RGS17: variants seen among roughly 807,000 people sequenced by gnomAD.
The protein encoded by RGS17 is regulator of G-protein signaling 17.
A neutral mutation model predicts 25.5 loss-of-function variants in RGS17; 12 were observed. The ratio of observed to expected loss-of-function variants is 0.47; its 90% CI spans 0.30 to 0.76. The LOEUF is 0.76. RGS17 is among the 30% of genes least tolerant of loss of function. RGS17 has a pLI of 0.07. For missense variants in RGS17, 196 were observed against 242.2 expected (o/e 0.81, Z 1.27); for synonymous variants, 71 against 76.9 (o/e 0.92, Z 0.40).
intron 1 of RGS17, among the ~76,000 whole-genome samples, chr6:153,116,013 GC>G (rs1308909727): frequency 6.6e-6 from 1 of 152,114 alleles, no homozygotes; most frequent in Non-Finnish European, 1.5e-5. Context: ...ATGGGCATGG[GC>G]AAAAACTTCA....
chr6:153,090,091 T>C (rs991172889), intron 1 of RGS17, among the ~76,000 whole-genome samples: 1 of 152,176 alleles, frequency 6.6e-6, no homozygotes, highest in Non-Finnish European at 1.5e-5. Flanking sequence ...TTTTCATAAC[T>C]GCTATCTGCT....
intron 1 of RGS17, among the ~76,000 whole-genome samples, chr6:153,103,651 C>A (rs1777338934): frequency 6.6e-6 from 1 of 152,182 alleles, no homozygotes; most frequent in Non-Finnish European, 1.5e-5. Flanking sequence ...CCAGCCTATT[C>A]TTGAGAAGAA....
chr6:153,110,831 G>A (rs1777458993), intron 1 of RGS17, among the ~76,000 whole-genome samples: 1 of 152,194 alleles, frequency 6.6e-6, no homozygotes, highest in Admixed American at 6.5e-5. Flanking sequence ...GGAAGCGCAA[G>A]CGGTTGGGGA....
At chr6:153,014,217 C>G (rs1172643371) in intron 4 of RGS17, among the ~76,000 whole-genome samples, 1 of 152,188 alleles carries the variant, frequency 6.6e-6, no homozygotes, top group Non-Finnish European at 1.5e-5. Flanking sequence ...TATGCTAAAT[C>G]TACTCTGCCT....
chr6:153,129,901 G>A (rs1309142925), intron 1 of RGS17, among the ~76,000 whole-genome samples: 2 of 152,158 alleles, frequency 1.3e-5, no homozygotes, highest in Admixed American at 6.5e-5. Context: ...CCGACGTCCC[G>A]GGCTCCGGGC....
At chr6:153,067,800 T>TGCTGG (rs1776731403) in intron 1 of RGS17, among the ~76,000 whole-genome samples, 1 of 152,108 alleles carries the variant, frequency 6.6e-6, no homozygotes. Context: ...AGAGAAATAG[T>TGCTGG]AAAAGCTATC....
In RGS17 at chr6:153,070,415, A is replaced by C. The variant is rs183823330; in HGVS notation, c.-25-26372T>G. ...AGGCACAACAAATATCTACTTTATA[A>C]ATTTCTAGGATGTTAAATAGTTATG... On this transcript the variant is annotated intron_variant, in intron 1 of 4. Transcript: ENST00000206262. Among the ~76,000 whole-genome samples, 1,155 of 152,196 alleles carry C rather than the reference A, an allele frequency of 7.6e-3. 11 individuals carry two copies. Among genetic ancestry groups the C allele is most frequent in the Admixed American group, 0.013 (206 of 15,276 alleles).
At chr6:153,031,543 C>G (rs1046881550) in intron 2 of RGS17, among the ~76,000 whole-genome samples, 2 of 152,152 alleles carry the variant, frequency 1.3e-5, no homozygotes, top group African/African-American at 4.8e-5. Flanking sequence ...TACAAGGAAA[C>G]AGTTATTGGG....
intron 2 of RGS17, among the ~76,000 whole-genome samples, chr6:153,043,593 T>C (rs1037389956): frequency 6.6e-6 from 1 of 152,088 alleles, no homozygotes; most frequent in African/African-American, 2.4e-5. Context: ...TAAATACAAA[T>C]GTAACTAAAA....
At chr6:153,039,352 T>C (rs1776292249) in intron 2 of RGS17, among the ~76,000 whole-genome samples, 1 of 152,184 alleles carries the variant, frequency 6.6e-6, no homozygotes, top group Admixed American at 6.5e-5. Flanking sequence ...CTAAGTCTAA[T>C]TTATAAAGTA....
At chr6:153,025,555 G>T (rs1050401102) in intron 3 of RGS17, among the ~76,000 whole-genome samples, 16 of 150,556 alleles carry the variant, frequency 1.1e-4, no homozygotes, top group African/African-American at 3.9e-4. Context: ...AAATGATTCT[G>T]ATCTTCCTTT....
chr6:153,130,678 G>A lies in RGS17; in HGVS notation c.-26+446C>T, dbSNP rs1777775757. Among the ~76,000 whole-genome samples the A allele has an allele frequency of 6.6e-6, 1 of 152,118 alleles. No individual in the cohort carries two copies. Among genetic ancestry groups the A allele is most frequent in the African/African-American group, 2.4e-5 (1 of 41,440 alleles). On this transcript the variant is annotated intron_variant, in intron 1 of 4. Coordinates refer to ENST00000206262, the MANE Select transcript of RGS17 (RefSeq NM_012419.5). The surrounding 1 kb of genome is among the most constrained non-coding windows in gnomAD (Gnocchi z 6.4). The stretch of plus-strand genomic sequence containing the variant: ...ACACTGTTGATGGCACATTCTCCTC[G>A]TTCCCAACCAACCGCACAAAACCCG...
rs1221125676 is a variant in RGS17 at position 153,130,412 on chromosome 6, C to T, written c.-26+712G>A. On this transcript the variant is annotated intron_variant, in intron 1 of 4. Transcript: ENST00000206262. This position sits in a 1 kb window ranked among gnomAD's most constrained non-coding sequence, Gnocchi z 6.4. ...CCACCCCGCGCCGCACACGCCAGGA[C>T]TCCCTTTCCTTTGACTAAGGGGAGG... is the stretch of plus-strand genomic sequence containing the variant. Among the ~76,000 whole-genome samples the T allele has an allele frequency of 6.6e-6, 1 of 151,896 alleles. No individual in the cohort carries two copies. Among genetic ancestry groups the T allele is most frequent in the Non-Finnish European group, 1.5e-5 (1 of 67,974 alleles).
intron 1 of RGS17, among the ~76,000 whole-genome samples, chr6:153,100,637 C>CT (rs572746130): frequency 4.4e-4 from 67 of 152,268 alleles, no homozygotes; most frequent in African/African-American, 1.5e-3. Context: ...ATCTAACTTA[C>CT]TTCTTATAGG....
intron 1 of RGS17, among the ~76,000 whole-genome samples, chr6:153,119,455 C>G (rs1254347768): frequency 2.0e-5 from 3 of 152,216 alleles, no homozygotes; most frequent in Admixed American, 6.5e-5. Context: ...CTTTGGGAGG[C>G]TGAGGCGGGT....
chr6:153,129,922 G>T (rs1777761173), intron 1 of RGS17, among the ~76,000 whole-genome samples: 1 of 152,188 alleles, frequency 6.6e-6, no homozygotes, highest in Non-Finnish European at 1.5e-5. Flanking sequence ...GAGGCGCAGG[G>T]CTCAGGGCGC....
At chr6:153,129,879 C>A (rs1467619535) in intron 1 of RGS17, among the ~76,000 whole-genome samples, 2 of 152,218 alleles carry the variant, frequency 1.3e-5, no homozygotes, top group East Asian at 3.9e-4. Context: ...GACAGGGGTT[C>A]TCCCACGTGA....
chr6:153,054,096 A>G (rs1562321678), intron 1 of RGS17, among the ~76,000 whole-genome samples: 11 of 76,988 alleles, frequency 1.4e-4, no homozygotes, highest in Admixed American at 2.9e-4. Context: ...TATTTTTTAT[A>G]TATATATATA....
intron 4 of RGS17, among the ~76,000 whole-genome samples, chr6:153,013,319 CTTAA>C (rs1779152989): frequency 6.6e-6 from 1 of 152,178 alleles, no homozygotes; most frequent in African/African-American, 2.4e-5. Context: ...CCATATAAGA[CTTAA>C]TTAATTCTTA....
Sources: allele counts gnomAD v4.1 joint callset (sites outside exome capture counted in the v4.1 genomes callset), GRCh38; gene constraint gnomAD v4.1.1; non-coding constraint Gnocchi (gnomAD v3.1); transcripts MANE v1.5; gene names NCBI Gene and HGNC (gene_info 2026-07-23, HGNC 2026-07-21).